PITPNB: variants seen among roughly 807,000 people sequenced by gnomAD.
PITPNB encodes phosphatidylinositol transfer protein beta isoform.
In PITPNB, 16 loss-of-function variants were observed where a neutral mutation model predicts 45.9. That is an observed-to-expected ratio of 0.35 (90% CI 0.24 to 0.53). The LOEUF (loss-of-function observed/expected upper bound fraction) is 0.53, where lower values mean the gene tolerates loss of function less well. Ranked by LOEUF, PITPNB falls within the 20% of genes least tolerant of loss-of-function variation. The probability of loss-of-function intolerance (pLI) is 0.93; values close to 1 mark genes in which losing one functional copy is unlikely to be tolerated. For missense variants in PITPNB, 188 were observed against 330.5 expected, an observed-to-expected ratio of 0.57 and a Z score of 3.34; for synonymous variants, 112 against 108.9, an observed-to-expected ratio of 1.03 and a Z score of -0.18.
chr22:27,909,720 A>C (rs901786275), intron 3 of PITPNB, among the ~76,000 whole-genome samples: 2 of 152,208 alleles, frequency 1.3e-5, no homozygotes, highest in African/African-American at 4.8e-5. Flanking sequence ...TTAATTTCTC[A>C]TTTTATAACT....
intron 7 of PITPNB, among the ~76,000 whole-genome samples, chr22:27,884,377 A>C (rs1369475899): frequency 6.6e-6 from 1 of 152,246 alleles, no homozygotes; most frequent in Non-Finnish European, 1.5e-5. Flanking sequence ...TGAACGTGAT[A>C]TGAATGAAAT....
chr22:27,893,085 T>C (rs896195460), intron 7 of PITPNB, among the ~76,000 whole-genome samples: 2 of 152,238 alleles, frequency 1.3e-5, no homozygotes, highest in South Asian at 4.1e-4. Flanking sequence ...GGACGCCTAC[T>C]GAACATACCG....
rs145371132 is a variant in PITPNB, at chr22:27,905,159, T to G, written c.197+5805A>C. On this transcript the variant is annotated intron_variant, in intron 3 of 11. Coordinates refer to ENST00000335272, the MANE Select transcript of PITPNB (RefSeq NM_012399.5). ...TATTTATAAATTTTTCCTTTACTTT[T>G]TTTGTTTGAGACGGAGTCTCACTCT... is the stretch of plus-strand genomic sequence containing the variant. 3.6e-4 allele frequency among the ~76,000 whole-genome samples: 55 copies of G among 152,306 alleles called. 1 individual carries two copies. Among genetic ancestry groups the G allele is most frequent in the African/African-American group, 1.3e-3 (53 of 41,568 alleles).
At chr22:27,912,640 A>G (rs1253238109) in intron 2 of PITPNB, among the ~76,000 whole-genome samples, 1 of 151,952 alleles carries the variant, frequency 6.6e-6, no homozygotes, top group Non-Finnish European at 1.5e-5. Context: ...AGAATAAAAA[A>G]TTAAAAAAAA....
At chr22:27,917,357 G>C (rs1383710722) in intron 1 of PITPNB, among the ~76,000 whole-genome samples, 1 of 152,138 alleles carries the variant, frequency 6.6e-6, no homozygotes, top group African/African-American at 2.4e-5. Flanking sequence ...AAAAATGACT[G>C]GATCTATTTA....
At chr22:27,899,316 T>G (rs962675975) in intron 3 of PITPNB, among the ~76,000 whole-genome samples, 3 of 152,226 alleles carry the variant, frequency 2.0e-5, no homozygotes, top group African/African-American at 7.2e-5. Context: ...GCTAATTCTT[T>G]GTTCACTTAT....
intron 4 of PITPNB, 63 bp downstream of exon 4, chr22:27,897,738 T>A: frequency 9.6e-7 from 1 of 1,040,666 alleles, no homozygotes; most frequent in Non-Finnish European, 1.5e-6. Context: ...AAGACACTGG[T>A]ACTGGGAATC....
chr22:27,915,725 C>G (rs949319639), intron 1 of PITPNB, among the ~76,000 whole-genome samples: 1 of 152,126 alleles, frequency 6.6e-6, no homozygotes, highest in Non-Finnish European at 1.5e-5. Flanking sequence ...CCTAAAAATT[C>G]CGAATCATTT....
At chr22:27,876,865 G>T (rs1934835576) in intron 7 of PITPNB, among the ~76,000 whole-genome samples, 2 of 152,216 alleles carry the variant, frequency 1.3e-5, no homozygotes, top group African/African-American at 4.8e-5. Flanking sequence ...TCTCCTTTGG[G>T]ATCCCATGGG....
chr22:27,864,985 T>A (rs35697555), intron 8 of PITPNB, among the ~76,000 whole-genome samples: 78 of 151,442 alleles, frequency 5.2e-4, no homozygotes, highest in Non-Finnish European at 8.4e-4. Context: ...CAAATAACAG[T>A]TAACAATGTG....
At chr22:27,914,190 T>C (rs1936012475) in intron 2 of PITPNB, 127 bp downstream of exon 2, 1 of 667,924 alleles carries the variant, frequency 1.5e-6, no homozygotes, top group Non-Finnish European at 2.7e-6. Flanking sequence ...ATCATTCATA[T>C]AATTAATTTT....
chr22:27,854,516 C>A (rs373113614), intron 11 of PITPNB, among the ~76,000 whole-genome samples: 7 of 152,098 alleles, frequency 4.6e-5, no homozygotes, highest in African/African-American at 1.7e-4. Flanking sequence ...TTACTAACCA[C>A]AAATGGTTCT....
At chr22:27,867,391 AATATTAAATGGAAG>A (rs1934515918) in intron 8 of PITPNB, among the ~76,000 whole-genome samples, 1 of 152,242 alleles carries the variant, frequency 6.6e-6, no homozygotes, top group Non-Finnish European at 1.5e-5. Flanking sequence ...GTAAATGGAA[AATATTAAATGGAAG>A]AAGTAAACAT....
At chr22:27,896,684 C>G in intron 5 of PITPNB, 58 bp from the exon 6 acceptor site, 2 of 1,147,808 alleles carry the variant, frequency 1.7e-6, no homozygotes, top group East Asian at 2.4e-5. Context: ...TTGGTGCCCA[C>G]GTCTGAGGGA....
intron 10 of PITPNB, among the ~76,000 whole-genome samples, 155 bp from the exon 11 acceptor site, chr22:27,855,094 G>A (rs1222562142): frequency 3.9e-5 from 6 of 152,208 alleles, no homozygotes; most frequent in African/African-American, 1.2e-4. Flanking sequence ...AAATAACCTT[G>A]GTTTGAAGAC....
At chr22:27,904,266 T>C (rs1444908223) in intron 3 of PITPNB, among the ~76,000 whole-genome samples, 1 of 152,176 alleles carries the variant, frequency 6.6e-6, no homozygotes, top group East Asian at 1.9e-4. Context: ...ATAAACAAAA[T>C]GTGGCAGGCC....
intron 8 of PITPNB, among the ~76,000 whole-genome samples, chr22:27,864,125 G>A (rs1166151833): frequency 6.6e-6 from 1 of 151,760 alleles, no homozygotes; most frequent in Admixed American, 6.6e-5. Context: ...AACATTACCA[G>A]AAGAAAGTTG....
chr22:27,853,877 G>A (rs960678320), intron 11 of PITPNB, among the ~76,000 whole-genome samples: 37 of 151,834 alleles, frequency 2.4e-4, no homozygotes, highest in Admixed American at 1.2e-3. Context: ...AAATAAAGTC[G>A]AGGCAGAAAT....
At chr22:27,883,158 AGCT>A (rs926255899) in intron 7 of PITPNB, among the ~76,000 whole-genome samples, 1 of 152,248 alleles carries the variant, frequency 6.6e-6, no homozygotes, top group African/African-American at 2.4e-5. Context: ...ATGGAAGAAC[AGCT>A]GCTGCCTGTT....
Sources: allele counts gnomAD v4.1 joint callset (sites outside exome capture counted in the v4.1 genomes callset), GRCh38; gene constraint gnomAD v4.1.1; transcripts MANE v1.5; gene names NCBI Gene and HGNC (gene_info 2026-07-23, HGNC 2026-07-21).